Variants in DLG2 observed in about 807,000 individuals in gnomAD.
DLG2 encodes discs large MAGUK scaffold protein 2.
In DLG2, 45 loss-of-function variants were observed where a neutral mutation model predicts 132.5. That is an observed-to-expected ratio of 0.34 (90% CI 0.27 to 0.44). The LOEUF is 0.44. Among genes scored for constraint, DLG2 ranks in the 20% least tolerant of loss-of-function variants. The pLI is 1.00. For missense variants in DLG2, 1,045 were observed against 1,196.9 expected (o/e 0.87, Z 1.87); for synonymous variants, 424 against 419.6 (o/e 1.01, Z -0.13).
intron 7 of DLG2, among the ~76,000 whole-genome samples, chr11:84,404,997 G>C (rs758744762): frequency 5.9e-5 from 9 of 152,126 alleles, no homozygotes; most frequent in Admixed American, 1.3e-4. Flanking sequence ...TTATAATAGG[G>C]AAAAGGGACA....
At chr11:84,779,229 T>TAC (rs1358797284) in intron 6 of DLG2, among the ~76,000 whole-genome samples, 1 of 151,994 alleles carries the variant, frequency 6.6e-6, no homozygotes, top group Non-Finnish European at 1.5e-5. Flanking sequence ...TATGTATATA[T>TAC]ACACACACAC....
At chr11:84,608,925 A>G (rs1389356764) in intron 6 of DLG2, among the ~76,000 whole-genome samples, 1 of 152,200 alleles carries the variant, frequency 6.6e-6, no homozygotes, top group African/African-American at 2.4e-5. Flanking sequence ...AGTAAATTCA[A>G]ATAGAAAGAG....
chr11:85,326,435 C>T (rs1171893317), intron 3 of DLG2, among the ~76,000 whole-genome samples: 1 of 114,292 alleles, frequency 8.7e-6, no homozygotes, highest in Non-Finnish European at 1.8e-5. Context: ...CGGCAGAAAC[C>T]CTACAAGCCA....
chr11:85,449,010 T>C (rs1328391131), intron 3 of DLG2, among the ~76,000 whole-genome samples: 2 of 152,220 alleles, frequency 1.3e-5, no homozygotes, highest in South Asian at 4.1e-4. Flanking sequence ...TCAGTCATTA[T>C]TGATCCTCTT....
chr11:85,161,197 T>C (rs1322998423), intron 4 of DLG2, among the ~76,000 whole-genome samples: 1 of 152,196 alleles, frequency 6.6e-6, no homozygotes, highest in Non-Finnish European at 1.5e-5. Context: ...TTTTAATAAT[T>C]AAGTGGATAG....
chr11:84,576,331 T>C (rs1164774852), intron 6 of DLG2, among the ~76,000 whole-genome samples: 1 of 152,234 alleles, frequency 6.6e-6, no homozygotes, highest in Non-Finnish European at 1.5e-5. Flanking sequence ...AATCTTTCTC[T>C]ATAAAGAATG....
intron 7 of DLG2, among the ~76,000 whole-genome samples, chr11:84,370,823 CCAAAGTT>C (rs1268086491): frequency 2.6e-5 from 4 of 151,998 alleles, no homozygotes; most frequent in African/African-American, 9.7e-5. Flanking sequence ...CTGAAAGGAA[CCAAAGTT>C]CAAAGCAAAA....
chr11:85,335,335 A>G (rs1205545075), intron 3 of DLG2, among the ~76,000 whole-genome samples: 2 of 152,240 alleles, frequency 1.3e-5, no homozygotes, highest in East Asian at 3.9e-4. Context: ...GGTCTCTTAA[A>G]GACAGCATAC....
chr11:84,249,128 A>T (rs1250332091), intron 8 of DLG2, among the ~76,000 whole-genome samples: 1 of 152,230 alleles, frequency 6.6e-6, no homozygotes, highest in African/African-American at 2.4e-5. Context: ...GAAATAATTT[A>T]GATCCACCAC....
chr11:84,474,029 G>A (rs1348181223), intron 7 of DLG2, among the ~76,000 whole-genome samples: 1 of 151,986 alleles, frequency 6.6e-6, no homozygotes, highest in Non-Finnish European at 1.5e-5. Flanking sequence ...GCCACAATGA[G>A]CATGCAGTTG....
intron 27 of DLG2, among the ~76,000 whole-genome samples, chr11:83,461,033 A>AATT (rs763012593): frequency 6.5e-4 from 85 of 131,506 alleles, no homozygotes; most frequent in Non-Finnish European, 1.2e-3. Flanking sequence ...TTTGAGACAG[A>AATT]ATTTCACCCT....
chr11:85,308,465 G>A (rs1485222448), intron 3 of DLG2, among the ~76,000 whole-genome samples: 1 of 152,112 alleles, frequency 6.6e-6, no homozygotes, highest in Admixed American at 6.5e-5. Context: ...CCAGAGAATA[G>A]GAGAAGAGAA....
intron 6 of DLG2, among the ~76,000 whole-genome samples, chr11:84,696,908 A>G (rs1161722995): frequency 6.6e-6 from 1 of 151,414 alleles, no homozygotes; most frequent in Non-Finnish European, 1.5e-5. Flanking sequence ...ATAATTTTAC[A>G]TATAAGGAAA....
At chr11:84,537,486 G>A (rs2099358450) in intron 6 of DLG2, among the ~76,000 whole-genome samples, 1 of 152,112 alleles carries the variant, frequency 6.6e-6, no homozygotes, top group Non-Finnish European at 1.5e-5. Context: ...TCATTTTTAA[G>A]CTTCTTTTAA....
At chr11:85,399,561 T>G (rs537045903) in intron 3 of DLG2, among the ~76,000 whole-genome samples, 1 of 152,138 alleles carries the variant, frequency 6.6e-6, no homozygotes, top group African/African-American at 2.4e-5. Flanking sequence ...CAAAACAGCA[T>G]GGTACTGGTA....
chr11:85,154,135 GAAAAAAA>G lies in DLG2; in HGVS notation c.282+414_282+420del, dbSNP rs34094958. Among the ~76,000 whole-genome samples the G allele has an allele frequency of 7.1e-3, 407 of 57,654 alleles. 1 individual carries two copies. Among genetic ancestry groups the G allele is most frequent in the African/African-American group, 0.025 (395 of 16,092 alleles). 37.8% of individuals were successfully genotyped at this position (57,654 alleles called of 152,430 possible). A position where few individuals can be genotyped will look rare whatever the true frequency, so the allele number is the denominator to read the frequency against. ...CCCACCCTCCCTCTCTTCTTTTGGA[GAAAAAAA>G]AAAAAAAAAAAAAAAAAAACAGTCT... On this transcript the variant is annotated intron_variant, in intron 5 of 27. Transcript: ENST00000376104.
intron 11 of DLG2, among the ~76,000 whole-genome samples, chr11:83,987,593 G>A (rs2093419869): frequency 1.3e-5 from 2 of 152,066 alleles, no homozygotes; most frequent in African/African-American, 2.4e-5. Flanking sequence ...ACAAGCAATG[G>A]GGAAATGATT....
intron 6 of DLG2, among the ~76,000 whole-genome samples, chr11:84,571,293 T>G (rs895064134): frequency 6.6e-6 from 1 of 151,944 alleles, no homozygotes; most frequent in Non-Finnish European, 1.5e-5. Context: ...TTCCTCTTCA[T>G]TTCCATCTCT....
In DLG2 at chr11:84,534,658, G is replaced by C. The variant is rs145869624; in HGVS notation, c.431C>G (p.Pro144Arg). ...CTTTTCTGATACATGCACGAGTTCT[G>C]GGCCTCTTACTTCGTGGGTTAGTCG... is the stretch of plus-strand genomic sequence containing the variant. ...LPRLTHEVRG[P>R]ELVHVSEKNL... is the part of the protein sequence containing the mutation. The change falls in exon 7 of 28, where the codon CCA becomes CGA. Residue 144 changes from proline to arginine, a missense_variant. Transcript: ENST00000376104. The C allele has an allele frequency of 1.9e-6, 3 of 1,613,878 alleles. No homozygotes were observed. The East Asian group carries it at 6.7e-5, about 36-fold the overall frequency.
Sources: allele counts gnomAD v4.1 joint callset (sites outside exome capture counted in the v4.1 genomes callset), GRCh38; gene constraint gnomAD v4.1.1; transcripts MANE v1.5; gene names NCBI Gene and HGNC (gene_info 2026-07-23, HGNC 2026-07-21).